The following SUGP1 variants were observed in gnomAD, a reference collection of about 807,000 sequenced individuals.
SUGP1 encodes the protein SURP and G-patch domain containing 1, also known as SURP and G-patch domain-containing protein 1.
A neutral mutation model predicts 76.5 loss-of-function variants in SUGP1; 34 were observed. The observed-to-expected ratio is 0.44, with a 90% CI of 0.34 to 0.59. The LOEUF is 0.59. Ranked by LOEUF, SUGP1 falls within the 20% of genes least tolerant of loss-of-function variation. SUGP1 has a pLI of 0.01. For missense variants in SUGP1, 752 were observed against 851.7 expected (o/e 0.88, Z 1.46); for synonymous variants, 326 against 326.2 (o/e 1.00, Z 0.01).
At chr19:19,297,423 C>CCTTCTGGGCAGGAGCAGTTCTGGT in intron 7 of SUGP1, 79 bp from the exon 8 acceptor site, 4 of 1,198,900 alleles carry the variant, frequency 3.3e-6, no homozygotes, top group Non-Finnish European at 3.5e-6. Context: ...GCAGTTCTGG[C>CCTTCTGGGCAGGAGCAGTTCTGGT]CTTGTGTGCC....
chr19:19,300,336 A>G (rs1165822670), intron 7 of SUGP1, among the ~76,000 whole-genome samples: 1 of 152,184 alleles, frequency 6.6e-6, no homozygotes, highest in African/African-American at 2.4e-5. Flanking sequence ...TTGGCCTCCC[A>G]AAGTGCTGGG....
rs1280253261 is a variant in SUGP1 at position 19,306,014 on chromosome 19, A to T, written c.373T>A (p.Ser125Thr). Reference protein sequence around the residue: ...STPTPSAGKRSLLISRRTGLG... With the variant: ...STPTPSAGKRTLLISRRTGLG... ...CCTGTCCGCCTGCTGATGAGCAGGG[A>T]CCTCTTCCCAGCGCTGGGGGTGGGT... Residue 125 changes from serine to threonine, a missense_variant, in exon 4 of 14, where the codon TCC becomes ACC. Transcript: ENST00000247001. The T allele has an allele frequency of 1.2e-6, 2 of 1,611,574 alleles. No homozygotes were observed. Among genetic ancestry groups the T allele is most frequent in the Non-Finnish European group, 1.7e-6 (2 of 1,179,474 alleles).
intron 6 of SUGP1, 74 bp from the exon 7 acceptor site, chr19:19,302,462 G>T (rs750492456): frequency 3.2e-6 from 5 of 1,566,106 alleles, no homozygotes; most frequent in Non-Finnish European, 4.3e-6. Flanking sequence ...AACCCCAAGG[G>T]CAACAAGTGG....
chr19:19,305,687 TCTC>T, intron 4 of SUGP1, 159 bp downstream of exon 4: 3 of 641,490 alleles, frequency 4.7e-6, no homozygotes, highest in Non-Finnish European at 7.7e-6. Context: ...CCTCCTTTGC[TCTC>T]CTCACCTCAG....
In SUGP1 at chr19:19,320,436, CGCCT is replaced by C. The variant is rs771401285; in HGVS notation, c.34+23_34+26del. On this transcript the variant is annotated intron_variant, in intron 1 of 13. Coordinates refer to ENST00000247001, the MANE Select transcript of SUGP1 (RefSeq NM_172231.4). ...ACCTAGCCCCAGGGACCCAGGCGGC[CGCCT>C]GAGAGGAGGCGGGGGCTGTTACCTG... 2.6e-5 allele frequency: 41 copies of C among 1,606,460 alleles called. No individual in the cohort carries two copies. In the East Asian group the frequency reaches 9.0e-4, roughly 35 times the overall value.
At chr19:19,312,939 G>A (rs892277082) in intron 2 of SUGP1, among the ~76,000 whole-genome samples, 12 of 151,140 alleles carry the variant, frequency 7.9e-5, no homozygotes, top group African/African-American at 2.4e-4. Flanking sequence ...GCAGTGAGCC[G>A]AGATCGTGCC....
chr19:19,299,155 A>C (rs1249614416), intron 7 of SUGP1, among the ~76,000 whole-genome samples: 1 of 152,152 alleles, frequency 6.6e-6, no homozygotes, highest in Non-Finnish European at 1.5e-5. Flanking sequence ...TACATATCCC[A>C]GTTTTAAAAA....
Position 19,279,244 on chromosome 19 carries a change from C to A in SUGP1, c.1497G>T (p.Gln499His). ...VDSELGTWEHQLRRMEMDKTR... is the reference protein window; with the variant it reads ...VDSELGTWEHHLRRMEMDKTR... Reference sequence around the variant, plus strand: ...TCTTATCCATCTCCATGCGCCGCAGCTGGTGCTCCCAGGTGCCCAGCTCGC... The same window carrying A: ...TCTTATCCATCTCCATGCGCCGCAGATGGTGCTCCCAGGTGCCCAGCTCGC... The change falls in exon 10 of 14, where the codon CAG (glutamine) becomes CAT (histidine). Residue 499 changes from glutamine (Q) to histidine (H), a missense_variant. Gln to His is a conservative substitution (Grantham distance 24, BLOSUM62 0). This residue lies in a region of SUGP1 where 132 missense variants were observed against 234.4 expected (regional missense o/e 0.56). Transcript: ENST00000247001. 3 of 1,610,328 alleles carry A rather than the reference C, an allele frequency of 1.9e-6. No homozygotes were observed. Among genetic ancestry groups the A allele is most frequent in the Non-Finnish European group, 2.5e-6 (3 of 1,179,696 alleles).
chr19:19,306,012 G>A lies in SUGP1; in HGVS notation c.375C>T (p.Ser125=), dbSNP rs902992516. The A allele has an allele frequency of 6.2e-7, 1 of 1,611,854 alleles. No homozygotes were observed. The highest frequency in any genetic ancestry group is 8.5e-7 in the Non-Finnish European group (1 of 1,179,608). The change falls in exon 4 of 14, where the codon TCC becomes TCT. Residue 125 remains serine, a synonymous_variant. Transcript: ENST00000247001. ...STPTPSAGKR[S]LLISRRTGLG... is the part of the protein sequence containing the mutation. ...GGCCTGTCCGCCTGCTGATGAGCAG[G>A]GACCTCTTCCCAGCGCTGGGGGTGG... is the stretch of plus-strand genomic sequence containing the variant.
intron 8 of SUGP1, 69 bp downstream of exon 8, chr19:19,296,920 T>C: frequency 3.8e-6 from 5 of 1,314,218 alleles, no homozygotes; most frequent in Non-Finnish European, 5.1e-6. Flanking sequence ...GGATGAACCT[T>C]GAAGACATTA....
intron 3 of SUGP1, among the ~76,000 whole-genome samples, chr19:19,306,992 G>A (rs539418872): frequency 1.3e-5 from 2 of 152,276 alleles, no homozygotes; most frequent in African/African-American, 2.4e-5. Context: ...CACCCTGAGA[G>A]CAGGACTAGG....
rs55849619 is a variant in SUGP1 at position 19,318,113 on chromosome 19, C to CTTTTCTTTTTTTTTT, written c.35-1521_35-1520insAAAAAAAAAAGAAAA. 1.8e-4 allele frequency among the ~76,000 whole-genome samples: 18 copies of CTTTTCTTTTTTTTTT among 97,674 alleles called. 2 individuals are homozygous for CTTTTCTTTTTTTTTT. The highest frequency in any genetic ancestry group is 3.5e-4 in the African/African-American group (8 of 22,830). The allele number at this position is 97,674 out of a possible 152,430, so 64.1% of individuals were successfully genotyped here. ...GGCGTGAGCCACCGAACCCAGCCTT[C>CTTTTCTTTTTTTTTT]TTTTTTTTTTTTTTTTTTTTTGAGA... On this transcript the variant is annotated intron_variant, in intron 1 of 13. Transcript: ENST00000247001.
chr19:19,283,523 C>T (rs1243118714), intron 8 of SUGP1, among the ~76,000 whole-genome samples: 1 of 151,930 alleles, frequency 6.6e-6, no homozygotes. Flanking sequence ...GGTACGACTT[C>T]GGCTCACTGC....
rs574723565 is a variant in SUGP1, at chr19:19,305,933, G to A, written c.454C>T (p.Leu152=). ...ACACTCGGGCGGTGCGCCACGGGCA[G>A]CTGCTTGGCGTGGGAGTAGCTCTTC... ...PVKSYSHAKQ[L]PVAHRPSVFQ... is the part of the protein sequence containing the mutation. The change falls in exon 4 of 14, where the codon CTG becomes TTG. Residue 152 remains leucine (L), a synonymous_variant. Transcript: ENST00000247001. 15 of 1,613,468 alleles carry A rather than the reference G, an allele frequency of 9.3e-6. No homozygotes were observed. The Admixed American group carries it at 2.5e-4, about 27-fold the overall frequency.
At chr19:19,309,081 G>C (rs1017250655) in intron 3 of SUGP1, among the ~76,000 whole-genome samples, 11 of 152,084 alleles carry the variant, frequency 7.2e-5, no homozygotes, top group African/African-American at 2.7e-4. Flanking sequence ...TGGTCAGGCT[G>C]ATCTCGAACT....
chr19:19,314,521 A>G (rs2146629746), intron 2 of SUGP1, among the ~76,000 whole-genome samples: 1 of 152,304 alleles, frequency 6.6e-6, no homozygotes. Flanking sequence ...AAGTAATTTT[A>G]TATGAAAAAG....
intron 1 of SUGP1, among the ~76,000 whole-genome samples, chr19:19,318,365 C>T (rs1333146265): frequency 6.6e-6 from 1 of 151,910 alleles, no homozygotes; most frequent in Non-Finnish European, 1.5e-5. Flanking sequence ...AGTGATCCAC[C>T]CACCTCAGCC....
chr19:19,284,668 AACAAAAG>A (rs1385535642), intron 8 of SUGP1, among the ~76,000 whole-genome samples: 7 of 152,226 alleles, frequency 4.6e-5, no homozygotes, highest in Non-Finnish European at 8.8e-5. Flanking sequence ...GACAATTTAG[AACAAAAG>A]CAAGGCGAAG....
At chr19:19,310,706 C>T (rs1270285315) in intron 2 of SUGP1, among the ~76,000 whole-genome samples, 1 of 152,140 alleles carries the variant, frequency 6.6e-6, no homozygotes, top group Non-Finnish European at 1.5e-5. Context: ...TGCAGTGGGG[C>T]AATCTTGGCT....
Sources: gnomAD v4.1 joint callset for allele counts (sites outside exome capture counted in the v4.1 genomes callset) on GRCh38, gnomAD v4.1.1 for gene constraint, gnomAD v4.1.1 regional missense constraint, MANE v1.5 for transcripts, NCBI Gene and HGNC (gene_info 2026-07-23, HGNC 2026-07-21) for gene names.